Variants in SEZ6L observed in about 807,000 individuals in gnomAD.
The protein encoded by SEZ6L is seizure 6-like protein.
A neutral mutation model predicts 106.2 loss-of-function variants in SEZ6L; 37 were observed. That is an observed-to-expected ratio of 0.35 (90% CI 0.27 to 0.46). The LOEUF is 0.46. Among genes scored for constraint, SEZ6L ranks in the 20% least tolerant of loss-of-function variants. The probability of loss-of-function intolerance (pLI) is 1.00; values close to 1 mark genes in which losing one functional copy is unlikely to be tolerated. For synonymous variants in SEZ6L, 541 were observed against 570.4 expected, an observed-to-expected ratio of 0.95 and a Z score of 0.73; for missense variants, 1,172 against 1,332.8, an observed-to-expected ratio of 0.88 and a Z score of 1.88.
intron 1 of SEZ6L, among the ~76,000 whole-genome samples, chr22:26,224,301 G>A (rs540133686): frequency 1.3e-5 from 2 of 152,334 alleles, no homozygotes; most frequent in South Asian, 2.1e-4. Context: ...ACTCCAACGA[G>A]GGGTATGGGG....
At chr22:26,330,153 G>A (rs2082435135) in intron 9 of SEZ6L, among the ~76,000 whole-genome samples, 1 of 152,208 alleles carries the variant, frequency 6.6e-6, no homozygotes, top group Admixed American at 6.5e-5. Context: ...GGATTGGGGT[G>A]AAGACATGTG....
At chr22:26,308,719 C>G (rs529837657) in intron 6 of SEZ6L, among the ~76,000 whole-genome samples, 2 of 152,020 alleles carry the variant, frequency 1.3e-5, no homozygotes, top group Admixed American at 6.6e-5. Context: ...TCCATTTGAC[C>G]ATAGACTATT....
At chr22:26,209,416 G>A (rs1941481627) in intron 1 of SEZ6L, among the ~76,000 whole-genome samples, 1 of 152,000 alleles carries the variant, frequency 6.6e-6, no homozygotes, top group Non-Finnish European at 1.5e-5. Flanking sequence ...TGATTTAGTT[G>A]GGCTCTAGCA....
chr22:26,324,949 G>A (rs2082264240), intron 9 of SEZ6L, among the ~76,000 whole-genome samples: 1 of 152,078 alleles, frequency 6.6e-6, no homozygotes, highest in African/African-American at 2.4e-5. Flanking sequence ...GTCTTAGCTG[G>A]GCTCGCAGGT....
At chr22:26,247,231 G>A (rs1417276177) in intron 1 of SEZ6L, among the ~76,000 whole-genome samples, 2 of 152,066 alleles carry the variant, frequency 1.3e-5, no homozygotes, top group African/African-American at 2.4e-5. Flanking sequence ...ACTAAAATAG[G>A]CATGGACTTG....
rs1054071649 is a variant in SEZ6L, at chr22:26,375,590, C to G, written c.2843C>G (p.Ala948Gly). The G allele has an allele frequency of 6.2e-7, 1 of 1,613,948 alleles. No homozygotes were observed. The highest frequency in any genetic ancestry group is 1.3e-5 in the African/African-American group (1 of 74,906). The change falls in exon 15 of 17, where the codon GCA becomes GGA. Residue 948 changes from alanine to glycine, a missense_variant. Around this residue, in one of 4 missense-constraint regions of SEZ6L, gnomAD observed 141 missense variants for 176.0 expected, o/e 0.80. Coordinates refer to ENST00000248933, the MANE Select transcript of SEZ6L (RefSeq NM_021115.5). ...CTGTGTTCAGTAGCAGAAGCGGCAG[C>G]AGAGACGTCGCTGGAAGGGGGGAAC... ...EHALEVAEAA[A>G]ETSLEGGNMA...
At chr22:26,324,290 C>A (rs1238643979) in intron 9 of SEZ6L, among the ~76,000 whole-genome samples, 2 of 152,166 alleles carry the variant, frequency 1.3e-5, no homozygotes, top group African/African-American at 4.8e-5. Flanking sequence ...CCTTCCTTTG[C>A]TCCTCTGCAG....
Position 26,347,915 on chromosome 22 carries a change from TAA to T in SEZ6L, c.2407+3_2407+4del. The T allele has an allele frequency of 6.4e-7, 1 of 1,561,818 alleles. No homozygotes were observed. Among genetic ancestry groups the T allele is most frequent in the Non-Finnish European group, 8.6e-7 (1 of 1,161,378 alleles). On this transcript the variant is annotated splice_donor_region_variant and intron_variant, in intron 11 of 16. Coordinates refer to ENST00000248933, the MANE Select transcript of SEZ6L (RefSeq NM_021115.5). ...GCGACCCCCCATTTTGTGAGAAAAG[TAA>T]GAGTGGTCTTGTTTCCTTCCTCTAG... is the stretch of plus-strand genomic sequence containing the variant.
intron 1 of SEZ6L, among the ~76,000 whole-genome samples, chr22:26,229,872 C>G (rs879789392): frequency 1.3e-5 from 2 of 152,228 alleles, no homozygotes; most frequent in Non-Finnish European, 2.9e-5. Flanking sequence ...ATGCCCCCTG[C>G]TCTGCCAGGA....
chr22:26,331,021 T>C (rs993142102), intron 9 of SEZ6L, among the ~76,000 whole-genome samples: 7 of 152,170 alleles, frequency 4.6e-5, no homozygotes, highest in African/African-American at 1.4e-4. Flanking sequence ...AAAAGAAAGG[T>C]GGCTTGCTCA....
chr22:26,258,856 G>A (rs959205958), intron 1 of SEZ6L, among the ~76,000 whole-genome samples: 12 of 152,242 alleles, frequency 7.9e-5, no homozygotes, highest in African/African-American at 2.4e-4. Flanking sequence ...TTCTGAGGGA[G>A]GAAATATGAA....
intron 9 of SEZ6L, among the ~76,000 whole-genome samples, chr22:26,314,428 G>A (rs370744044): frequency 7.9e-5 from 12 of 152,068 alleles, no homozygotes; most frequent in South Asian, 4.2e-4. Flanking sequence ...AGCAAGAAGG[G>A]GGCACTGTAA....
chr22:26,292,343 C>T (rs1284667232), intron 1 of SEZ6L, 63 bp from the exon 2 acceptor site: 5 of 1,362,722 alleles, frequency 3.7e-6, no homozygotes, highest in Non-Finnish European at 5.1e-6. Context: ...CCCTCAGAGT[C>T]TGACAGCAGG....
At position 26,304,369 on chromosome 22, in the gene SEZ6L, G is replaced by GAAGAAGGA. The variant is rs1556332059; in HGVS notation, c.1349-1605_1349-1604insGGAAAGAA. On this transcript the variant is annotated intron_variant, in intron 5 of 16. Coordinates refer to ENST00000248933, the MANE Select transcript of SEZ6L (RefSeq NM_021115.5). ...TTTGTCTCAAAAAAAAAAAAAGAAA[G>GAAGAAGGA]AAGAAAGAAAGAAAGAAAGAAAGAA... Among the ~76,000 whole-genome samples the GAAGAAGGA allele has an allele frequency of 1.6e-3, 159 of 98,298 alleles. 4 individuals carry two copies. Among genetic ancestry groups the GAAGAAGGA allele is most frequent in the African/African-American group, 6.5e-3 (148 of 22,626 alleles). The allele number at this position is 98,298 out of a possible 152,430, so 64.5% of individuals were successfully genotyped here.
At chr22:26,291,197 C>T (rs186393742) in intron 1 of SEZ6L, among the ~76,000 whole-genome samples, 2 of 152,288 alleles carry the variant, frequency 1.3e-5, no homozygotes, top group African/African-American at 4.8e-5. Flanking sequence ...AACCTAATGC[C>T]CATCAATGAT....
chr22:26,205,805 G>A (rs1941242822), intron 1 of SEZ6L, among the ~76,000 whole-genome samples: 1 of 152,018 alleles, frequency 6.6e-6, no homozygotes, highest in African/African-American at 2.4e-5. Context: ...TCCTCCTCAA[G>A]AGAATGAATC....
intron 1 of SEZ6L, among the ~76,000 whole-genome samples, chr22:26,188,096 C>T (rs1939917988): frequency 6.6e-6 from 1 of 152,110 alleles, no homozygotes; most frequent in South Asian, 2.1e-4. Flanking sequence ...AGAACTGGGA[C>T]CCTTCCTTCT....
At chr22:26,194,686 A>C (rs1940467180) in intron 1 of SEZ6L, among the ~76,000 whole-genome samples, 1 of 152,096 alleles carries the variant, frequency 6.6e-6, no homozygotes, top group Non-Finnish European at 1.5e-5. Context: ...AAGAGCTTGC[A>C]CTCTGGACTT....
intron 1 of SEZ6L, among the ~76,000 whole-genome samples, chr22:26,209,826 GA>G (rs1363475348): frequency 1.2e-5 from 1 of 84,676 alleles, no homozygotes; most frequent in Non-Finnish European, 2.4e-5. Context: ...TGGAAGAAAG[GA>G]AAAAAGTAGG....
Sources: allele counts gnomAD v4.1 joint callset (sites outside exome capture counted in the v4.1 genomes callset), GRCh38; gene constraint gnomAD v4.1.1; regional missense constraint gnomAD v4.1.1; transcripts MANE v1.5; gene names NCBI Gene and HGNC (gene_info 2026-07-23, HGNC 2026-07-21).